SEMA4D: variants seen among roughly 807,000 people sequenced by gnomAD.
SEMA4D encodes semaphorin-4D.
SEMA4D carries 22 observed loss-of-function variants against 74.8 expected under a neutral mutation model. The ratio of observed to expected loss-of-function variants is 0.29; its 90% CI spans 0.21 to 0.42. The LOEUF (loss-of-function observed/expected upper bound fraction) is 0.42, where lower values mean the gene tolerates loss of function less well. Ranked by LOEUF, SEMA4D falls within the 10% of genes least tolerant of loss-of-function variation. The pLI, the probability that SEMA4D is intolerant of heterozygous loss-of-function variation, is 1.00. For synonymous variants in SEMA4D, 445 were observed against 463.7 expected, an observed-to-expected ratio of 0.96 and a Z score of 0.52; for missense variants, 937 against 1,118.4, an observed-to-expected ratio of 0.84 and a Z score of 2.31.
At chr9:89,494,923 T>A (rs1281967058) in intron 1 of SEMA4D, among the ~76,000 whole-genome samples, 1 of 152,224 alleles carries the variant, frequency 6.6e-6, no homozygotes, top group East Asian at 1.9e-4. Flanking sequence ...AAAATCATCA[T>A]TCACTCCACA....
At chr9:89,447,505 C>T (rs1336709789) in intron 2 of SEMA4D, among the ~76,000 whole-genome samples, 1 of 152,102 alleles carries the variant, frequency 6.6e-6, no homozygotes, top group Non-Finnish European at 1.5e-5. Flanking sequence ...GCTCCCCGAC[C>T]CCCACCATGA....
At chr9:89,489,965 C>T (rs544105798) in intron 1 of SEMA4D, among the ~76,000 whole-genome samples, 15 of 152,092 alleles carry the variant, frequency 9.9e-5, no homozygotes, top group African/African-American at 2.4e-4. Flanking sequence ...CATTTCTATC[C>T]GGAGTGTATG....
rs1442313596 is a variant in SEMA4D, at chr9:89,484,579, G to A, written c.-310+13340C>T. On this transcript the variant is annotated intron_variant, in intron 1 of 15. Coordinates refer to ENST00000422704, the MANE Select transcript of SEMA4D (RefSeq NM_001371194.2). The surrounding 1 kb of genome is among the most constrained non-coding windows in gnomAD (Gnocchi z 4.1). Reference sequence around the variant, plus strand: ...CGTGTATGGTGTGTGTATACATGGTGGGGTATGTGTGTAGTATGGGGTGTT... The same window carrying A: ...CGTGTATGGTGTGTGTATACATGGTAGGGTATGTGTGTAGTATGGGGTGTT... 6.6e-6 allele frequency among the ~76,000 whole-genome samples: 1 copy of A among 151,722 alleles called. No homozygotes were observed. Among genetic ancestry groups the A allele is most frequent in the Non-Finnish European group, 1.5e-5 (1 of 67,914 alleles).
chr9:89,399,276 C>G lies in SEMA4D; in HGVS notation c.315G>C (p.Gln105His). The G allele has an allele frequency of 6.2e-7, 1 of 1,612,408 alleles. No homozygotes were observed. The highest frequency in any genetic ancestry group is 8.5e-7 in the Non-Finnish European group (1 of 1,178,416). The change falls in exon 5 of 16, where the codon CAG becomes CAC. Residue 105 changes from glutamine to histidine, a missense_variant and splice_region_variant. Transcript: ENST00000422704. ...TTTGTAGCTTGCAAAAGAAATTTACCTGTTTTGATTTCCCCTTTTCTGCAC... is the reference window on the plus strand; with the variant it reads ...TTTGTAGCTTGCAAAAGAAATTTACGTGTTTTGATTTCCCCTTTTCTGCAC... ...AKCAEKGKSK[Q>H]TECLNYIRVL...
At chr9:89,385,866 G>GGGGGGGGGGGGGGGC in intron 13 of SEMA4D, 6 of 196,226 alleles carry the variant, frequency 3.1e-5, no homozygotes, top group Non-Finnish European at 4.5e-5. Context: ...CAGCGTGGAT[G>GGGGGGGGGGGGGGGC]CCCGCCCACC....
At chr9:89,475,634 G>A (rs1300851454) in intron 1 of SEMA4D, among the ~76,000 whole-genome samples, 1 of 152,190 alleles carries the variant, frequency 6.6e-6, no homozygotes, top group Non-Finnish European at 1.5e-5. Flanking sequence ...CCATCAGGCA[G>A]CTCCCATCCA....
intron 6 of SEMA4D, among the ~76,000 whole-genome samples, chr9:89,396,270 C>G (rs1587548743): frequency 6.6e-6 from 1 of 152,222 alleles, no homozygotes; most frequent in South Asian, 2.1e-4. Flanking sequence ...CAAGAACACA[C>G]AAGCCAGGAG....
Position 89,430,027 on chromosome 9 carries a change from G to A in SEMA4D, c.-243-24328C>T, listed in dbSNP as rs573809760. Reference sequence around the variant, plus strand: ...GCCTCCAAAGCTGCTGCTTAACCCTGACGGGCAGCTCTGTGGGTGGGAGCG... The same window carrying A: ...GCCTCCAAAGCTGCTGCTTAACCCTAACGGGCAGCTCTGTGGGTGGGAGCG... On this transcript the variant is annotated intron_variant, in intron 2 of 15. Transcript: ENST00000422704. Among the ~76,000 whole-genome samples, 9 of 151,918 alleles carry A rather than the reference G, an allele frequency of 5.9e-5. No homozygotes were observed. The South Asian group carries it at 1.7e-3, about 28-fold the overall frequency.
At chr9:89,473,777 C>T (rs1408791183) in intron 1 of SEMA4D, among the ~76,000 whole-genome samples, 10 of 146,694 alleles carry the variant, frequency 6.8e-5, no homozygotes, top group Non-Finnish European at 1.1e-4. Context: ...ATCGCTTGAA[C>T]CTTGGAAGCA....
At chr9:89,370,163 GGTCT>G (rs1834329632) in intron 16 of SEMA4D, among the ~76,000 whole-genome samples, 1 of 151,070 alleles carries the variant, frequency 6.6e-6, no homozygotes, top group Admixed American at 6.6e-5. Context: ...GAGTATGCAT[GGTCT>G]GTGTGTATGG....
intron 6 of SEMA4D, among the ~76,000 whole-genome samples, chr9:89,394,652 G>C (rs890661759): frequency 1.3e-5 from 2 of 152,240 alleles, no homozygotes. Flanking sequence ...CTGGAAACAC[G>C]CTCTCGGAAG....
intron 2 of SEMA4D, 107 bp downstream of exon 2, chr9:89,455,781 G>A (rs1564851740): frequency 6.6e-6 from 1 of 152,262 alleles, no homozygotes; most frequent in African/African-American, 2.4e-5. Context: ...ACAGTGAATG[G>A]GCATCGCTGC....
intron 16 of SEMA4D, among the ~76,000 whole-genome samples, chr9:89,371,540 GT>G (rs1392521854): frequency 2.5e-4 from 5 of 20,006 alleles, no homozygotes; most frequent in Non-Finnish European, 4.9e-4. Context: ...GTGTGTGGGG[GT>G]GTGTTTGGGG....
chr9:89,450,850 GCCAGCAGAGTGGGGGTGT>G lies in SEMA4D; in HGVS notation c.-244+5020_-244+5037del, dbSNP rs148950712. On this transcript the variant is annotated intron_variant, in intron 2 of 15. Transcript: ENST00000422704. ...GTGCAGTTCTTCTCCACCTAGGACT[GCCAGCAGAGTGGGGGTGT>G]CCCTGCCGCCACCCCAGTTTTGCAA... 3.7e-3 allele frequency: 2,142 copies of G among 582,096 alleles called. 39 individuals are homozygous for G. The highest frequency in any genetic ancestry group is 0.035 in the African/African-American group (1,893 of 53,468). 36.1% of individuals were successfully genotyped at this position (582,096 alleles called of 1,614,324 possible). A position where few individuals can be genotyped will look rare whatever the true frequency, so the allele number is the denominator to read the frequency against.
chr9:89,375,625 G>A (rs1049546975), downstream of SEMA4D, among the ~76,000 whole-genome samples: 1 of 152,170 alleles, frequency 6.6e-6, no homozygotes, highest in African/African-American at 2.4e-5. Context: ...TCCCTCCCCC[G>A]GGGCAGGCTC....
chr9:89,396,970 A>G, intron 5 of SEMA4D, 135 bp from the exon 6 acceptor site: 1 of 734,190 alleles, frequency 1.4e-6, no homozygotes, highest in Non-Finnish European at 2.3e-6. Context: ...CCCCAGGCCA[A>G]CGAGGCATGT....
intron 2 of SEMA4D, among the ~76,000 whole-genome samples, 172 bp downstream of exon 2, chr9:89,455,716 C>CT (rs1357852377): frequency 6.6e-6 from 1 of 152,248 alleles, no homozygotes; most frequent in Non-Finnish European, 1.5e-5. Context: ...ACCACCTGAG[C>CT]TTTCAGAGAC....
In SEMA4D at chr9:89,381,368, G is replaced by C. The variant is rs1275223963; in HGVS notation, c.1447-22C>G. ...TGCCCTGCGTGTATGAGACAGAGAA[G>C]AACTAGCATCAGGCAAGCAGGCATC... On this transcript the variant is annotated intron_variant, in intron 13 of 15. Transcript: ENST00000422704. The surrounding 1 kb of genome is among the most constrained non-coding windows in gnomAD (Gnocchi z 4.6). 2.8e-6 allele frequency: 4 copies of C among 1,453,032 alleles called. No individual in the cohort carries two copies. Among genetic ancestry groups the C allele is most frequent in the Non-Finnish European group, 3.6e-6 (4 of 1,098,988 alleles). The allele number at this position is 1,453,032 out of a possible 1,614,324, so 90.0% of individuals were successfully genotyped here.
chr9:89,391,624 C>T (rs1490894086), intron 8 of SEMA4D, among the ~76,000 whole-genome samples: 2 of 152,226 alleles, frequency 1.3e-5, no homozygotes, highest in African/African-American at 2.4e-5. Context: ...CTACCCCCAC[C>T]TCCTCGGCCT....
Sources: gnomAD v4.1 joint callset for allele counts (sites outside exome capture counted in the v4.1 genomes callset) on GRCh38, gnomAD v4.1.1 for gene constraint, Gnocchi (gnomAD v3.1) non-coding constraint, MANE v1.5 for transcripts, NCBI Gene and HGNC (gene_info 2026-07-23, HGNC 2026-07-21) for gene names.